ASRGL1: variants seen among roughly 807,000 people sequenced by gnomAD.
ASRGL1 encodes the protein isoaspartyl peptidase/L-asparaginase.
In ASRGL1, 16 loss-of-function variants were observed where a neutral mutation model predicts 22.4. The observed-to-expected ratio is 0.71, with a 90% CI of 0.48 to 1.08. The LOEUF (loss-of-function observed/expected upper bound fraction) is 1.08, where lower values mean the gene tolerates loss of function less well. Ranked by LOEUF, ASRGL1 falls within the 50% of genes least tolerant of loss-of-function variation. ASRGL1 has a pLI of 0.00. For missense variants in ASRGL1, 412 were observed against 410.1 expected (o/e 1.00, Z -0.04); for synonymous variants, 165 against 159.3 (o/e 1.04, Z -0.27).
At chr11:62,389,616 A>T (rs1434436010) in intron 5 of ASRGL1, 2 of 357,150 alleles carry the variant, frequency 5.6e-6, no homozygotes, top group Admixed American at 7.7e-5. Flanking sequence ...CTCCCGAGAC[A>T]TGGGCTCTGA....
chr11:62,356,927 AG>A, intron 3 of ASRGL1, 59 bp from the exon 4 acceptor site: 1 of 1,525,362 alleles, frequency 6.6e-7, no homozygotes, highest in South Asian at 1.3e-5. Flanking sequence ...CAGTTGGAAC[AG>A]TTAAAAAGAT....
At chr11:62,382,268 C>CCGTCCT (rs1565172794) in intron 4 of ASRGL1, 10 of 152,138 alleles carry the variant, frequency 6.6e-5, no homozygotes, top group Admixed American at 5.2e-4. Flanking sequence ...GGAGGACCCC[C>CCGTCCT]ACCGGCAACA....
chr11:62,355,202 C>T (rs1404219313), intron 2 of ASRGL1, among the ~76,000 whole-genome samples: 1 of 151,878 alleles, frequency 6.6e-6, no homozygotes, highest in Non-Finnish European at 1.5e-5. Context: ...GCGTGAGCCA[C>T]CACACACAGC....
chr11:62,349,332 C>G (rs1285478513), intron 2 of ASRGL1, among the ~76,000 whole-genome samples: 1 of 152,190 alleles, frequency 6.6e-6, no homozygotes, highest in Non-Finnish European at 1.5e-5. Context: ...ATCCTTTTAA[C>G]TATAGCCTAA....
rs1307018405 is a variant in ASRGL1, at chr11:62,389,259, C to T, written c.610+8C>T. ...GGGACTCACCGTGTCTAGGTAGGAC[C>T]AAGGGATGCCTCCTGCCCCTTCCCC... On this transcript the variant is annotated splice_region_variant and intron_variant, in intron 5 of 6. Transcript: ENST00000415229. 3 of 1,605,116 alleles carry T rather than the reference C, an allele frequency of 1.9e-6. No homozygotes were observed. Among genetic ancestry groups the T allele is most frequent in the African/African-American group, 2.7e-5 (2 of 74,650 alleles).
rs553788410 is a variant in ASRGL1, at chr11:62,338,785, G to GA, written c.190+631dup. Among the ~76,000 whole-genome samples the GA allele has an allele frequency of 7.0e-3, 882 of 126,338 alleles. 9 individuals carry two copies. The highest frequency in any genetic ancestry group is 0.021 in the African/African-American group (734 of 34,804). 82.9% of individuals were successfully genotyped at this position (126,338 alleles called of 152,430 possible). On this transcript the variant is annotated intron_variant, in intron 2 of 6. Transcript: ENST00000415229. ...AGCCACCTCTACTAAAAATACAAAA[G>GA]AAAAAAAAAAAAAGCCAGGCGTGGT... is the stretch of plus-strand genomic sequence containing the variant.
intron 4 of ASRGL1, among the ~76,000 whole-genome samples, chr11:62,365,530 G>A (rs1017043651): frequency 1.3e-5 from 2 of 151,742 alleles, no homozygotes; most frequent in Admixed American, 6.6e-5. Context: ...CTCCAGCCTG[G>A]GCAACAGTGC....
At chr11:62,384,035 C>CGTGT (rs141968496) in intron 4 of ASRGL1, among the ~76,000 whole-genome samples, 7,234 of 150,216 alleles carry the variant, frequency 0.048, 576 homozygotes, top group African/African-American at 0.17. Flanking sequence ...CACGTGTGTG[C>CGTGT]GTGTGTGTGT....
intron 5 of ASRGL1, 38 bp from the exon 6 acceptor site, chr11:62,391,484 G>A (rs1947335053): frequency 1.3e-6 from 2 of 1,572,640 alleles, no homozygotes; most frequent in Non-Finnish European, 8.6e-7. Flanking sequence ...TGAATTTCTT[G>A]ACTGTTACTG....
chr11:62,337,952 C>G lies in ASRGL1; in HGVS notation c.-26C>G, dbSNP rs771393060. 40 of 1,572,430 alleles carry G rather than the reference C, an allele frequency of 2.5e-5. No homozygotes were observed. The highest frequency in any genetic ancestry group is 3.2e-5 in the Non-Finnish European group (37 of 1,159,422). ...GGCTGGCTTTGGACGACGCTTTCGC[C>G]TTCCTGCTGCCTAGGATCCGCCGAC... On this transcript the variant is annotated 5_prime_UTR_variant, in exon 2 of 7. Transcript: ENST00000415229.
chr11:62,380,075 T>TC (rs1200136341), intron 4 of ASRGL1, among the ~76,000 whole-genome samples: 7 of 152,174 alleles, frequency 4.6e-5, no homozygotes, highest in African/African-American at 9.7e-5. Context: ...TATAACATTT[T>TC]CCCCCAAATG....
intron 4 of ASRGL1, chr11:62,381,713 C>CT (rs1270144308): frequency 6.6e-6 from 1 of 152,092 alleles, no homozygotes; most frequent in African/African-American, 2.4e-5. Flanking sequence ...TGTAGAGACT[C>CT]TAACTCCCCC....
chr11:62,378,124 A>G (rs1163107847), intron 4 of ASRGL1, among the ~76,000 whole-genome samples: 1 of 152,116 alleles, frequency 6.6e-6, no homozygotes, highest in Non-Finnish European at 1.5e-5. Context: ...AATATCTCCT[A>G]GCAATTTTTG....
At chr11:62,349,893 G>C (rs531334836) in intron 2 of ASRGL1, among the ~76,000 whole-genome samples, 8 of 152,082 alleles carry the variant, frequency 5.3e-5, no homozygotes, top group Non-Finnish European at 1.0e-4. Flanking sequence ...ACTTCCTGAC[G>C]TTGTCATGGC....
intron 5 of ASRGL1, among the ~76,000 whole-genome samples, chr11:62,390,910 A>C (rs760065177): frequency 2.0e-4 from 31 of 152,252 alleles, no homozygotes; most frequent in Non-Finnish European, 3.7e-4. Flanking sequence ...AACAGATACA[A>C]GAATGACTCA....
At chr11:62,361,859 C>G (rs1324222701) in intron 4 of ASRGL1, among the ~76,000 whole-genome samples, 1 of 152,112 alleles carries the variant, frequency 6.6e-6, no homozygotes, top group Non-Finnish European at 1.5e-5. Context: ...ATGAGTGGAC[C>G]ATTACTGCTT....
intron 4 of ASRGL1, among the ~76,000 whole-genome samples, chr11:62,362,662 A>AAT (rs1175480312): frequency 1.1e-5 from 1 of 90,054 alleles, no homozygotes; most frequent in Non-Finnish European, 2.0e-5. Context: ...TATTATATAA[A>AAT]ATATATAATA....
At chr11:62,358,143 C>T (rs932202385) in intron 4 of ASRGL1, among the ~76,000 whole-genome samples, 5 of 152,068 alleles carry the variant, frequency 3.3e-5, no homozygotes, top group South Asian at 4.1e-4. Context: ...CCGAGGCGGA[C>T]GGATTGCCTC....
At chr11:62,363,519 C>T (rs1946535787) in intron 4 of ASRGL1, among the ~76,000 whole-genome samples, 1 of 152,000 alleles carries the variant, frequency 6.6e-6, no homozygotes, top group Admixed American at 6.6e-5. Context: ...AGCATCAAAA[C>T]CTAAAAGAAT....
Sources: gnomAD v4.1 joint callset for allele counts (sites outside exome capture counted in the v4.1 genomes callset) on GRCh38, gnomAD v4.1.1 for gene constraint, MANE v1.5 for transcripts, NCBI Gene and HGNC (gene_info 2026-07-23, HGNC 2026-07-21) for gene names.